KPNA7: variants seen among roughly 807,000 people sequenced by gnomAD.
KPNA7 encodes the protein importin subunit alpha-8.
In KPNA7, 54 loss-of-function variants were observed where a neutral mutation model predicts 53.7. The ratio of observed to expected loss-of-function variants is 1.01; its 90% CI spans 0.81 to 1.26. KPNA7 has a LOEUF of 1.26. Ranked by LOEUF, KPNA7 falls within the 50% of genes most tolerant of loss-of-function variation. The pLI is 0.00. For missense variants in KPNA7, 640 were observed against 644.5 expected (o/e 0.99, Z 0.07); for synonymous variants, 276 against 259.3 (o/e 1.06, Z -0.62).
intron 6 of KPNA7, among the ~76,000 whole-genome samples, chr7:99,188,974 G>A (rs1789787937): frequency 6.6e-6 from 1 of 152,152 alleles, no homozygotes; most frequent in African/African-American, 2.4e-5. Flanking sequence ...GAGCCATTGT[G>A]CCCGACTGAA....
chr7:99,158,930 T>C, the KPNA7 span, among the ~76,000 whole-genome samples: 66 of 152,038 alleles, frequency 4.3e-4, 1 homozygote, highest in South Asian at 3.8e-3. Context: ...AGCGGTACAA[T>C]CTTGGCTTAC....
At chr7:99,172,311 G>A (rs908628306), downstream of KPNA7, among the ~76,000 whole-genome samples, 16 of 152,138 alleles carry the variant, frequency 1.1e-4, no homozygotes, top group Non-Finnish European at 1.9e-4. Context: ...GGGTGGAAGA[G>A]GCATGGGTCC....
chr7:99,200,797 G>A (rs1484468010), intron 3 of KPNA7, among the ~76,000 whole-genome samples: 3 of 152,106 alleles, frequency 2.0e-5, no homozygotes, highest in Non-Finnish European at 4.4e-5. Flanking sequence ...ACAACATGGT[G>A]AAACCCCATC....
chr7:99,199,250 T>C (rs1362704729), intron 3 of KPNA7, among the ~76,000 whole-genome samples: 1 of 152,086 alleles, frequency 6.6e-6, no homozygotes, highest in Non-Finnish European at 1.5e-5. Flanking sequence ...GACAATCTGA[T>C]TTTAAAATTC....
chr7:99,179,289 G>A (rs1799055483), intron 9 of KPNA7, among the ~76,000 whole-genome samples: 1 of 152,020 alleles, frequency 6.6e-6, no homozygotes, highest in African/African-American at 2.4e-5. Flanking sequence ...GGACACAGTG[G>A]CCCATTCCTG....
intron 4 of KPNA7, among the ~76,000 whole-genome samples, chr7:99,195,855 G>A (rs1011653958): frequency 6.6e-6 from 1 of 152,154 alleles, no homozygotes; most frequent in Non-Finnish European, 1.5e-5. Context: ...TTCTGTAGAG[G>A]CCAATGTAAA....
the KPNA7 span, among the ~76,000 whole-genome samples, chr7:99,146,250 C>T: frequency 2.0e-5 from 3 of 152,152 alleles, no homozygotes; most frequent in Non-Finnish European, 2.9e-5. Context: ...CCCGCCCCGA[C>T]GGCTGGTTCT....
At chr7:99,205,710 G>A (rs1393223709) in intron 2 of KPNA7, among the ~76,000 whole-genome samples, 1 of 151,924 alleles carries the variant, frequency 6.6e-6, no homozygotes, top group Non-Finnish European at 1.5e-5. Context: ...AATTAGCCAG[G>A]CGTAATTGTG....
chr7:99,187,988 C>G (rs1789705930), intron 7 of KPNA7, among the ~76,000 whole-genome samples: 1 of 150,746 alleles, frequency 6.6e-6, no homozygotes, highest in Admixed American at 6.7e-5. Context: ...CTAGCCTGGC[C>G]AACATGGTAA....
the KPNA7 span, among the ~76,000 whole-genome samples, chr7:99,146,498 G>T: frequency 6.6e-6 from 1 of 152,070 alleles, no homozygotes; most frequent in East Asian, 1.9e-4. Context: ...GGGATTACCT[G>T]CGAGCAGGAG....
Position 99,195,432 on chromosome 7 carries a change from T to C in KPNA7, c.285-94A>G, listed in dbSNP as rs932911398. The stretch of plus-strand genomic sequence containing the variant: ...GGCCAGGTGCGGTGGCTCACACCTG[T>C]AATCTCAGCACTTTGGGAGACCAAG... On this transcript the variant is annotated intron_variant, in intron 4 of 10. Coordinates refer to ENST00000327442, the MANE Select transcript of KPNA7 (RefSeq NM_001145715.3). 1.0e-5 allele frequency: 12 copies of C among 1,194,234 alleles called. No individual in the cohort carries two copies. The African/African-American group carries it at 1.4e-4, about 14-fold the overall frequency. The allele number at this position is 1,194,234 out of a possible 1,614,324, so 74.0% of individuals were successfully genotyped here.
At chr7:99,146,966 C>A in the KPNA7 span, among the ~76,000 whole-genome samples, 5 of 152,130 alleles carry the variant, frequency 3.3e-5, no homozygotes, top group East Asian at 9.6e-4. Context: ...CCTACCATAA[C>A]ATCAAAAAAT....
At chr7:99,149,469 G>A in the KPNA7 span, among the ~76,000 whole-genome samples, 4 of 152,194 alleles carry the variant, frequency 2.6e-5, no homozygotes, top group Non-Finnish European at 4.4e-5. Flanking sequence ...AGTTATTGGT[G>A]AGGCTTAAAT....
the KPNA7 span, among the ~76,000 whole-genome samples, chr7:99,151,458 G>GT: frequency 5.0e-3 from 730 of 147,366 alleles, no homozygotes; most frequent in Non-Finnish European, 6.6e-3. Context: ...TTTGTTTTTG[G>GT]TTTTTTTTTT....
At chr7:99,155,630 A>G in the KPNA7 span, among the ~76,000 whole-genome samples, 5 of 151,996 alleles carry the variant, frequency 3.3e-5, no homozygotes, top group Non-Finnish European at 2.9e-5. Flanking sequence ...GCATGATCAC[A>G]GCTCACTGCA....
At chr7:99,217,299 G>C (rs1394540830) in intron 1 of KPNA7, among the ~76,000 whole-genome samples, 1 of 152,178 alleles carries the variant, frequency 6.6e-6, no homozygotes, top group Non-Finnish European at 1.5e-5. Context: ...TTTGTGACAT[G>C]TGTTTCTTTC....
chr7:99,191,104 G>A (rs569624400), intron 6 of KPNA7, among the ~76,000 whole-genome samples: 8 of 151,358 alleles, frequency 5.3e-5, no homozygotes, highest in Non-Finnish European at 8.8e-5. Flanking sequence ...TCCCTTTCAC[G>A]TCTAGAATGG....
chr7:99,158,750 A>G, the KPNA7 span, among the ~76,000 whole-genome samples: 1 of 151,478 alleles, frequency 6.6e-6, no homozygotes, highest in South Asian at 2.1e-4. Context: ...GTGATCCCCA[A>G]CTCGGCCTCC....
chr7:99,187,730 GT>G (rs1317839842), intron 7 of KPNA7, among the ~76,000 whole-genome samples: 4 of 134,734 alleles, frequency 3.0e-5, no homozygotes, highest in Non-Finnish European at 6.2e-5. Flanking sequence ...ATTCTTTGGT[GT>G]TTTACAAATA....
Sources: allele counts gnomAD v4.1 joint callset (sites outside exome capture counted in the v4.1 genomes callset), GRCh38; gene constraint gnomAD v4.1.1; transcripts MANE v1.5; gene names NCBI Gene and HGNC (gene_info 2026-07-23, HGNC 2026-07-21).